The following BMERB1 variants were observed in gnomAD, a reference collection of about 807,000 sequenced individuals.
The protein encoded by BMERB1 is bMERB domain-containing protein 1.
BMERB1 carries 12 observed loss-of-function variants against 23.6 expected under a neutral mutation model. The ratio of observed to expected loss-of-function variants is 0.51; its 90% CI spans 0.33 to 0.82. The LOEUF is 0.82. Ranked by LOEUF, BMERB1 falls within the 40% of genes least tolerant of loss-of-function variation. The probability of loss-of-function intolerance (pLI) is 0.03; values close to 1 mark genes in which losing one functional copy is unlikely to be tolerated. For missense variants in BMERB1, 247 were observed against 255.4 expected (o/e 0.97, Z 0.22); for synonymous variants, 122 against 96.6 (o/e 1.26, Z -1.54).
intron 2 of BMERB1, among the ~76,000 whole-genome samples, chr16:15,561,484 G>A (rs1160800814): frequency 6.6e-6 from 1 of 151,536 alleles, no homozygotes; most frequent in East Asian, 2.0e-4. Flanking sequence ...GGCCAGGCTG[G>A]TCTTGAACTC....
chr16:15,498,993 TC>T (rs1254103955), intron 1 of BMERB1, among the ~76,000 whole-genome samples: 1 of 152,242 alleles, frequency 6.6e-6, no homozygotes, highest in African/African-American at 2.4e-5. Context: ...GCTCCTGCAC[TC>T]AGAATGAGTC....
At chr16:15,486,572 C>G (rs1371241027) in intron 1 of BMERB1, among the ~76,000 whole-genome samples, 1 of 152,116 alleles carries the variant, frequency 6.6e-6, no homozygotes, top group African/African-American at 2.4e-5. Flanking sequence ...GACACCTGAT[C>G]CAATCAAATA....
chr16:15,447,715 G>T (rs1363901727), intron 1 of BMERB1, among the ~76,000 whole-genome samples: 2 of 152,114 alleles, frequency 1.3e-5, no homozygotes, highest in Non-Finnish European at 2.9e-5. Context: ...AGGAAGAATG[G>T]AGGTGACGAT....
intron 2 of BMERB1, among the ~76,000 whole-genome samples, chr16:15,552,970 T>A (rs912327226): frequency 2.0e-5 from 3 of 152,116 alleles, no homozygotes; most frequent in Non-Finnish European, 2.9e-5. Context: ...GCCCAGGAGT[T>A]TGAGACCAGC....
chr16:15,555,287 T>A (rs2030221484), intron 2 of BMERB1, among the ~76,000 whole-genome samples: 1 of 152,148 alleles, frequency 6.6e-6, no homozygotes, highest in Admixed American at 6.5e-5. Context: ...TTGCCTAGGC[T>A]AATCTCGAAC....
chr16:15,491,329 T>C (rs552466421), intron 1 of BMERB1, among the ~76,000 whole-genome samples: 1 of 152,260 alleles, frequency 6.6e-6, no homozygotes, highest in African/African-American at 2.4e-5. Flanking sequence ...CACACTCTCA[T>C]GGGAAACACA....
intron 1 of BMERB1, among the ~76,000 whole-genome samples, chr16:15,452,801 A>G (rs569288257): frequency 1.3e-5 from 2 of 152,270 alleles, no homozygotes; most frequent in Non-Finnish European, 2.9e-5. Flanking sequence ...CGGACCAGCT[A>G]GGATCAAGAC....
At chr16:15,467,196 G>A (rs896587316) in intron 1 of BMERB1, among the ~76,000 whole-genome samples, 3 of 152,080 alleles carry the variant, frequency 2.0e-5, no homozygotes, top group African/African-American at 7.2e-5. Flanking sequence ...TCATTTCTCT[G>A]AGATAAACGC....
intron 2 of BMERB1, among the ~76,000 whole-genome samples, chr16:15,560,720 G>T (rs1275614836): frequency 2.0e-5 from 3 of 151,934 alleles, no homozygotes; most frequent in Non-Finnish European, 4.4e-5. Context: ...TTGAGCCCAG[G>T]AGGCAGAGAT....
intron 1 of BMERB1, among the ~76,000 whole-genome samples, chr16:15,508,363 C>T (rs776392848): frequency 1.1e-4 from 17 of 152,050 alleles, no homozygotes; most frequent in Non-Finnish European, 2.1e-4. Context: ...GCTTCGTGGG[C>T]CAGGGAGTCT....
At position 15,577,728 on chromosome 16, in the gene BMERB1, G is replaced by A. The variant is rs528809137; in HGVS notation, c.305-3489G>A. 3.8e-4 allele frequency among the ~76,000 whole-genome samples: 58 copies of A among 152,358 alleles called. 2 individuals carry two copies. In the South Asian group the frequency reaches 0.011, roughly 29 times the overall value. ...CCCTCAGGGCAGGTTGTGCGCATGC[G>A]CAGTGGCCTGCCAGCGCTTGGGAGA... On this transcript the variant is annotated intron_variant, in intron 3 of 5. Transcript: ENST00000300006.
At chr16:15,583,941 G>T (rs1470497437) in intron 5 of BMERB1, 6 of 693,980 alleles carry the variant, frequency 8.6e-6, no homozygotes, top group Non-Finnish European at 1.6e-5. Context: ...TAATTGCAAA[G>T]TTTGGTGCAT....
intron 2 of BMERB1, among the ~76,000 whole-genome samples, chr16:15,563,251 G>A (rs762360103): frequency 1.5e-4 from 23 of 151,864 alleles, no homozygotes; most frequent in Non-Finnish European, 2.6e-4. Flanking sequence ...TTTTTGGGAC[G>A]GAGACTCGCT....
chr16:15,476,445 G>A (rs950765571), intron 1 of BMERB1, among the ~76,000 whole-genome samples: 1 of 152,222 alleles, frequency 6.6e-6, no homozygotes, highest in Non-Finnish European at 1.5e-5. Context: ...TTACAGGCGT[G>A]AGCCCCTGTG....
chr16:15,554,668 T>TTTTTTTC (rs1369060745), intron 2 of BMERB1, among the ~76,000 whole-genome samples: 1 of 150,662 alleles, frequency 6.6e-6, no homozygotes, highest in African/African-American at 2.4e-5. Context: ...GTATTCTTTT[T>TTTTTTTC]TTTTTCTTTT....
At chr16:15,568,263 A>G (rs1009130939) in intron 3 of BMERB1, among the ~76,000 whole-genome samples, 2 of 152,196 alleles carry the variant, frequency 1.3e-5, no homozygotes, top group East Asian at 1.9e-4. Context: ...TGGACAAGTC[A>G]CTGTACTTCT....
intron 2 of BMERB1, among the ~76,000 whole-genome samples, chr16:15,530,627 A>G (rs1423153726): frequency 6.6e-6 from 1 of 152,032 alleles, no homozygotes; most frequent in Non-Finnish European, 1.5e-5. Flanking sequence ...CCCCACCCAA[A>G]TCTTATCCTG....
rs534746789 is a variant in BMERB1 at position 15,480,309 on chromosome 16, A to T, written c.107-34996A>T. The stretch of plus-strand genomic sequence containing the variant: ...TTTGTATTTTTTAGTAGAGACGGGG[A>T]TTCACCGTGTTAGCCAGGATGGTCT... On this transcript the variant is annotated intron_variant, in intron 1 of 5. Transcript: ENST00000300006. 7.3e-5 allele frequency among the ~76,000 whole-genome samples: 11 copies of T among 151,594 alleles called. No individual in the cohort carries two copies. In the South Asian group the frequency reaches 2.3e-3, roughly 32 times the overall value.
chr16:15,489,073 A>C (rs935036631), intron 1 of BMERB1, among the ~76,000 whole-genome samples: 4 of 151,986 alleles, frequency 2.6e-5, no homozygotes, highest in Non-Finnish European at 4.4e-5. Context: ...TTCACAGCAA[A>C]GTTCTGGGTC....
Sources: gnomAD v4.1 joint callset for allele counts (sites outside exome capture counted in the v4.1 genomes callset) on GRCh38, gnomAD v4.1.1 for gene constraint, MANE v1.5 for transcripts, NCBI Gene and HGNC (gene_info 2026-07-23, HGNC 2026-07-21) for gene names.